Variants in PDPR observed in about 807,000 individuals in gnomAD.
PDPR encodes pyruvate dehydrogenase phosphatase regulatory subunit, mitochondrial.
In PDPR, 50 loss-of-function variants were observed where a neutral mutation model predicts 102.2. The ratio of observed to expected loss-of-function variants is 0.49; its 90% CI spans 0.39 to 0.62. The LOEUF (loss-of-function observed/expected upper bound fraction) is 0.62, where lower values mean the gene tolerates loss of function less well. Ranked by LOEUF, PDPR falls within the 20% of genes least tolerant of loss-of-function variation. The probability of loss-of-function intolerance (pLI) is 0.00; values close to 1 mark genes in which losing one functional copy is unlikely to be tolerated. For synonymous variants in PDPR, 259 were observed against 406.0 expected, an observed-to-expected ratio of 0.64 and a Z score of 4.35; for missense variants, 625 against 1,098.2, an observed-to-expected ratio of 0.57 and a Z score of 6.09.
At chr16:70,141,970 C>T (rs1444252283) in intron 11 of PDPR, among the ~76,000 whole-genome samples, 66 of 152,260 alleles carry the variant, frequency 4.3e-4, no homozygotes, top group African/African-American at 1.5e-3. Flanking sequence ...CACGGTGACA[C>T]GTGCCTGTAA....
Position 70,156,502 on chromosome 16 carries a change from C to T in PDPR, c.2263C>T (p.Leu755Phe), listed in dbSNP as rs753128371. The T allele has an allele frequency of 3.7e-6, 6 of 1,613,818 alleles. No individual in the cohort carries two copies. The African/African-American group carries it at 5.3e-5, about 14-fold the overall frequency. Residue 755 changes from leucine to phenylalanine, a missense_variant, in exon 19 of 19, where the codon CTC (leucine) becomes TTC (phenylalanine). This residue lies in a region of PDPR where 303 missense variants were observed against 258.9 expected (regional missense o/e 1.17). Transcript: ENST00000288050. ...CATGGATTTCATTGGTCGCGACGCC[C>T]TCCTGCAGCAGAAGCAGAATGGAGT... The part of the protein sequence containing the change: ...KGMDFIGRDA[L>F]LQQKQNGVYK...
chr16:70,138,469 G>A (rs138982515), intron 10 of PDPR, among the ~76,000 whole-genome samples: 315 of 152,034 alleles, frequency 2.1e-3, no homozygotes, highest in Non-Finnish European at 7.9e-4. Flanking sequence ...CGTCTGCCTC[G>A]GCCTCCCAAA....
In PDPR at chr16:70,131,276, C is replaced by G. The variant is rs143059553; in HGVS notation, c.730-26C>G. The stretch of plus-strand genomic sequence containing the variant: ...TTTTTATTTCTGTTCCTCTTCCCAC[C>G]CACAAATCAACCTGTCCATTTGTAG... On this transcript the variant is annotated intron_variant, in intron 7 of 18. Coordinates refer to ENST00000288050, the MANE Select transcript of PDPR (RefSeq NM_017990.5). The G allele has an allele frequency of 3.8e-4, 561 of 1,492,076 alleles. No homozygotes were observed. In the African/African-American group the frequency reaches 6.8e-3, roughly 18 times the overall value. The allele number at this position is 1,492,076 out of a possible 1,614,324, so 92.4% of individuals were successfully genotyped here.
Position 70,146,181 on chromosome 16 carries a change from T to C in PDPR, c.1915T>C (p.Ser639Pro). Reference protein sequence around the residue: ...PRAVDVLSELSYAPMTPDHFP... With the variant: ...PRAVDVLSELPYAPMTPDHFP... Reference sequence around the variant, plus strand: ...AGCTGTGGATGTGCTGTCTGAGTTGTCCTATGCCCCTATGACTCCAGACCA... The same window carrying C: ...AGCTGTGGATGTGCTGTCTGAGTTGCCCTATGCCCCTATGACTCCAGACCA... The change falls in exon 16 of 19, where the codon TCC becomes CCC. Residue 639 changes from serine (S) to proline (P), a missense_variant. Ser to Pro is a moderately conservative substitution (Grantham distance 74). Around this residue, in one of 11 missense-constraint regions of PDPR, gnomAD observed 36 missense variants for 62.8 expected, o/e 0.57. Coordinates refer to ENST00000288050, the MANE Select transcript of PDPR (RefSeq NM_017990.5). 6.2e-7 allele frequency: 1 copy of C among 1,613,808 alleles called. No individual in the cohort carries two copies. Among genetic ancestry groups the C allele is most frequent in the Middle Eastern group, 1.7e-4 (1 of 6,060 alleles).
rs1193947245 is a variant in PDPR, at chr16:70,160,024, T to C, written c.*3145T>C. 2 of 153,038 alleles carry C rather than the reference T, an allele frequency of 1.3e-5. No individual in the cohort carries two copies. Among genetic ancestry groups the C allele is most frequent in the Non-Finnish European group, 2.9e-5 (2 of 68,616 alleles). The allele number at this position is 153,038 out of a possible 1,614,324, so 9.5% of individuals were successfully genotyped here. ...TCTGCAATTACCTGTCATAGCATTTTGTGCTCACCACGAAGGATGGTCTCT... is the reference window on the plus strand; with the variant it reads ...TCTGCAATTACCTGTCATAGCATTTCGTGCTCACCACGAAGGATGGTCTCT... On this transcript the variant is annotated 3_prime_UTR_variant, in exon 19 of 19. Transcript: ENST00000288050.
intron 16 of PDPR, among the ~76,000 whole-genome samples, 196 bp from the exon 17 acceptor site, chr16:70,148,268 G>A (rs1476522020): frequency 6.6e-6 from 1 of 152,256 alleles, no homozygotes; most frequent in African/African-American, 2.4e-5. Flanking sequence ...AAGCAGAGAT[G>A]TCACATAGGC....
chr16:70,153,127 T>G (rs1406899220), intron 17 of PDPR, among the ~76,000 whole-genome samples: 1 of 152,284 alleles, frequency 6.6e-6, no homozygotes, highest in Non-Finnish European at 1.5e-5. Flanking sequence ...AGAATTGCTG[T>G]AAGCTAGAAT....
At chr16:70,122,277 A>G (rs1335641072) in intron 3 of PDPR, among the ~76,000 whole-genome samples, 1 of 152,256 alleles carries the variant, frequency 6.6e-6, no homozygotes, top group East Asian at 1.9e-4. Flanking sequence ...GCGAGCCACC[A>G]CACCTGGCCT....
intron 3 of PDPR, among the ~76,000 whole-genome samples, chr16:70,125,010 G>C (rs1216371331): frequency 6.6e-6 from 1 of 152,210 alleles, no homozygotes; most frequent in Non-Finnish European, 1.5e-5. Flanking sequence ...CCACAAATTA[G>C]AGAACATTTT....
chr16:70,154,820 G>C (rs1275870291), intron 18 of PDPR, among the ~76,000 whole-genome samples: 1 of 152,230 alleles, frequency 6.6e-6, no homozygotes, highest in African/African-American at 2.4e-5. Context: ...TTGTATTTTG[G>C]TAAAGACAGA....
chr16:70,153,671 A>G (rs1966857197), intron 18 of PDPR, 98 bp downstream of exon 18: 1 of 1,292,552 alleles, frequency 7.7e-7, no homozygotes, highest in Non-Finnish European at 1.0e-6. Flanking sequence ...AAAAGGGGGA[A>G]AAGATTGAGG....
chr16:70,128,501 T>A (rs1964208189), intron 4 of PDPR, among the ~76,000 whole-genome samples: 1 of 152,250 alleles, frequency 6.6e-6, no homozygotes, highest in African/African-American at 2.4e-5. Flanking sequence ...GTGCTGCGAT[T>A]ACAAGCATGA....
chr16:70,142,488 G>A (rs769222729), intron 12 of PDPR, 65 bp from the exon 13 acceptor site: 2 of 1,612,582 alleles, frequency 1.2e-6, no homozygotes, highest in South Asian at 2.2e-5. Context: ...TGTGTTCACA[G>A]AAGAAAAAGA....
At chr16:70,125,832 C>G (rs2152071245) in intron 3 of PDPR, among the ~76,000 whole-genome samples, 1 of 152,296 alleles carries the variant, frequency 6.6e-6, no homozygotes, top group African/African-American at 2.4e-5. Flanking sequence ...TGGGGTTTCG[C>G]CATGTTGGCC....
intron 9 of PDPR, among the ~76,000 whole-genome samples, chr16:70,134,170 ATTGTT>A (rs1964854103): frequency 6.6e-6 from 1 of 152,204 alleles, no homozygotes; most frequent in African/African-American, 2.4e-5. Context: ...GTTTTTCAGA[ATTGTT>A]TTGTTAGTGT....
chr16:70,146,293 G>T (rs2549254), intron 16 of PDPR, 65 bp downstream of exon 16: 155 of 1,604,708 alleles, frequency 9.7e-5, no homozygotes, highest in Middle Eastern at 1.7e-4. Context: ...GCGGTGGCAG[G>T]TACATATTCT....
At chr16:70,125,447 G>A (rs1426515122) in intron 3 of PDPR, among the ~76,000 whole-genome samples, 9 of 151,696 alleles carry the variant, frequency 5.9e-5, no homozygotes, top group East Asian at 1.9e-4. Flanking sequence ...CCTGCTACTC[G>A]GGAGACTGAG....
chr16:70,147,242 GTTTA>G (rs1195678170), intron 16 of PDPR, among the ~76,000 whole-genome samples: 3 of 44,692 alleles, frequency 6.7e-5, no homozygotes, highest in Non-Finnish European at 9.9e-5. Context: ...GGCCTTATTT[GTTTA>G]TTTTTTACAC....
intron 16 of PDPR, among the ~76,000 whole-genome samples, chr16:70,147,863 G>A (rs1391010770): frequency 1.3e-5 from 2 of 152,338 alleles, no homozygotes; most frequent in Non-Finnish European, 2.9e-5. Context: ...AACACCTGGC[G>A]AGTGCTGCAT....
Sources: allele counts gnomAD v4.1 joint callset (sites outside exome capture counted in the v4.1 genomes callset), GRCh38; gene constraint gnomAD v4.1.1; regional missense constraint gnomAD v4.1.1; transcripts MANE v1.5; gene names NCBI Gene and HGNC (gene_info 2026-07-23, HGNC 2026-07-21).